The following ATP6V0A1 variants were observed in gnomAD, a reference collection of about 807,000 sequenced individuals.
ATP6V0A1 encodes the protein V-type proton ATPase 116 kDa subunit a 1.
A neutral mutation model predicts 105.4 loss-of-function variants in ATP6V0A1; 43 were observed. The observed-to-expected ratio is 0.41, with a 90% CI of 0.32 to 0.53. ATP6V0A1 has a LOEUF of 0.53. Ranked by LOEUF, ATP6V0A1 falls within the 20% of genes least tolerant of loss-of-function variation. The pLI is 0.30. For missense variants in ATP6V0A1, 676 were observed against 1,051.1 expected (o/e 0.64, Z 4.93); for synonymous variants, 362 against 372.8 (o/e 0.97, Z 0.33).
At chr17:42,465,007 T>A (rs1357171741) in intron 2 of ATP6V0A1, among the ~76,000 whole-genome samples, 1 of 152,116 alleles carries the variant, frequency 6.6e-6, no homozygotes, top group Non-Finnish European at 1.5e-5. Flanking sequence ...TATTATTATT[T>A]TTTGAGACAG....
chr17:42,520,058 T>C, intron 21 of ATP6V0A1: 1 of 185,136 alleles, frequency 5.4e-6, no homozygotes, highest in Non-Finnish European at 1.1e-5. Context: ...TTCCTGAAGC[T>C]TTAAAGCGCC....
chr17:42,501,285 A>G lies in ATP6V0A1; in HGVS notation c.1985A>G (p.Tyr662Cys). The G allele has an allele frequency of 6.2e-7, 1 of 1,613,920 alleles. No individual in the cohort carries two copies. Among genetic ancestry groups the G allele is most frequent in the Non-Finnish European group, 8.5e-7 (1 of 1,179,872 alleles). Residue 662 changes from tyrosine to cysteine, a missense_variant, in exon 17 of 22, where the codon TAT becomes TGT. Tyr to Cys is a radical substitution (Grantham distance 194). Transcript: ENST00000343619. ...LFKPLVLRRQ[Y>C]LRRKHLGTLN... ...AAACCATTGGTCCTTCGCCGTCAGT[A>G]TTTGAGGAGAAAGCATTTGGTAGGT...
At chr17:42,507,456 C>G in intron 17 of ATP6V0A1, 64 bp from the exon 18 acceptor site, 1 of 1,200,596 alleles carries the variant, frequency 8.3e-7, no homozygotes, top group Non-Finnish European at 1.2e-6. Context: ...CATCGCCCTT[C>G]CCACCTCACA....
At chr17:42,475,469 A>G (rs573896943) in intron 5 of ATP6V0A1, among the ~76,000 whole-genome samples, 1 of 152,368 alleles carries the variant, frequency 6.6e-6, no homozygotes, top group African/African-American at 2.4e-5. Flanking sequence ...ACAGCTTTGA[A>G]TGTGGCCCAA....
intron 21 of ATP6V0A1, among the ~76,000 whole-genome samples, chr17:42,517,272 T>A (rs909728811): frequency 6.6e-6 from 1 of 151,730 alleles, no homozygotes; most frequent in Admixed American, 6.6e-5. Context: ...AGACCGAGAC[T>A]CCGTCTCAAA....
Position 42,468,103 on chromosome 17 carries a change from T to C in ATP6V0A1, c.290T>C (p.Leu97Ser). The C allele has an allele frequency of 6.3e-7, 1 of 1,586,476 alleles. No individual in the cohort carries two copies. The highest frequency in any genetic ancestry group is 8.6e-7 in the Non-Finnish European group (1 of 1,164,862). ...EVPFPRDMID[L>S]EANFEKIENE... ...CCCTTCCCCCGGGACATGATTGACT[T>C]AGAGGTAAACACTTCTGGGAAAACC... is the stretch of plus-strand genomic sequence containing the variant. Residue 97 changes from leucine to serine, a missense_variant, in exon 4 of 22, where the codon TTA becomes TCA. By Grantham distance (145) the Leu-to-Ser change is moderately radical. Around this residue, in one of 3 missense-constraint regions of ATP6V0A1, gnomAD observed 239 missense variants for 388.4 expected, o/e 0.62. Coordinates refer to ENST00000343619, the MANE Select transcript of ATP6V0A1 (RefSeq NM_001130021.3).
chr17:42,478,599 G>C lies in ATP6V0A1; in HGVS notation c.633+10G>C, dbSNP rs957349623. 1 of 1,565,540 alleles carries C rather than the reference G, an allele frequency of 6.4e-7. No individual in the cohort carries two copies. The highest frequency in any genetic ancestry group is 1.2e-5 in the South Asian group (1 of 86,604). ...GGAGGATCCTGTGACTGTAAGACAA[G>C]GAGATTGCATCCTGTGGAGTAGGTC... On this transcript the variant is annotated intron_variant, in intron 7 of 21. Transcript: ENST00000343619.
intron 9 of ATP6V0A1, 91 bp from the exon 10 acceptor site, chr17:42,487,058 AACTCTT>A: frequency 1.7e-6 from 2 of 1,201,216 alleles, no homozygotes; most frequent in Non-Finnish European, 1.2e-6. Flanking sequence ...ATTCCCTGGC[AACTCTT>A]TTCAGAAAGC....
intron 17 of ATP6V0A1, chr17:42,502,873 G>A (rs553521265): frequency 2.0e-5 from 3 of 152,808 alleles, no homozygotes; most frequent in African/African-American, 4.8e-5. Flanking sequence ...GCAACAGTGA[G>A]TGAATTAAAA....
intron 9 of ATP6V0A1, among the ~76,000 whole-genome samples, chr17:42,485,616 A>T (rs1455929324): frequency 6.6e-6 from 1 of 152,236 alleles, no homozygotes; most frequent in South Asian, 2.1e-4. Flanking sequence ...ATGCAGTGGC[A>T]CAATCTTGGC....
chr17:42,489,153 A>G (rs1044735579), intron 10 of ATP6V0A1, among the ~76,000 whole-genome samples: 12 of 145,234 alleles, frequency 8.3e-5, no homozygotes, highest in African/African-American at 2.6e-4. Flanking sequence ...GCTCACTGCA[A>G]CCTCCACCCT....
chr17:42,508,566 T>C lies in ATP6V0A1; in HGVS notation c.2113-6T>C, dbSNP rs747485583. Reference sequence around the variant, plus strand: ...TCCCCACTAAGTGTAAATTTGTGTTTTCAAGCCTTCCGAGGACGAAGTGGT... The same window carrying C: ...TCCCCACTAAGTGTAAATTTGTGTTCTCAAGCCTTCCGAGGACGAAGTGGT... On this transcript the variant is annotated splice_polypyrimidine_tract_variant and splice_region_variant and intron_variant, in intron 18 of 21. Coordinates refer to ENST00000343619, the MANE Select transcript of ATP6V0A1 (RefSeq NM_001130021.3). 34 of 1,613,904 alleles carry C rather than the reference T, an allele frequency of 2.1e-5. No homozygotes were observed. Among genetic ancestry groups the C allele is most frequent in the Non-Finnish European group, 2.9e-5 (34 of 1,179,904 alleles).
At position 42,522,105 on chromosome 17, in the gene ATP6V0A1, G is replaced by A. The variant is rs1379198804; in HGVS notation, c.*985G>A. On this transcript the variant is annotated 3_prime_UTR_variant, in exon 22 of 22. Coordinates refer to ENST00000343619, the MANE Select transcript of ATP6V0A1 (RefSeq NM_001130021.3). ...CAGGAGGGGTGTCCTGGGCAGGGAA[G>A]GTCAGTGTCACTGATGGTTTGCTGT... 6.5e-6 allele frequency: 1 copy of A among 152,822 alleles called. No homozygotes were observed. The highest frequency in any genetic ancestry group is 1.5e-5 in the Non-Finnish European group (1 of 68,404). The allele number at this position is 152,822 out of a possible 1,614,324, so 9.5% of individuals were successfully genotyped here.
intron 4 of ATP6V0A1, 148 bp from the exon 5 acceptor site, chr17:42,469,942 G>T: frequency 1.2e-6 from 1 of 813,754 alleles, no homozygotes. Context: ...AAAGAAAATT[G>T]CTCTAGTAAA....
intron 2 of ATP6V0A1, 124 bp from the exon 3 acceptor site, chr17:42,466,305 T>C: frequency 1.4e-6 from 1 of 710,482 alleles, no homozygotes; most frequent in Non-Finnish European, 2.3e-6. Flanking sequence ...GTAGACAGTT[T>C]TGATTAGTGT....
chr17:42,512,571 A>G (rs960305591), intron 19 of ATP6V0A1, among the ~76,000 whole-genome samples: 1 of 152,154 alleles, frequency 6.6e-6, no homozygotes, highest in African/African-American at 2.4e-5. Context: ...TCCGGAAGAA[A>G]AGCCCAGAAA....
At position 42,466,416 on chromosome 17, in the gene ATP6V0A1, T is replaced by G; in HGVS notation, c.118-13T>G. ...AATATTTCAATGTTTGGTATTGTGTTTTTATTTTTCAGTTAAATCCAGATG... is the reference window on the plus strand; with the variant it reads ...AATATTTCAATGTTTGGTATTGTGTGTTTATTTTTCAGTTAAATCCAGATG... On this transcript the variant is annotated splice_polypyrimidine_tract_variant and intron_variant, in intron 2 of 21. Coordinates refer to ENST00000343619, the MANE Select transcript of ATP6V0A1 (RefSeq NM_001130021.3). The G allele has an allele frequency of 6.3e-7, 1 of 1,597,606 alleles. No homozygotes were observed. The highest frequency in any genetic ancestry group is 8.6e-7 in the Non-Finnish European group (1 of 1,165,250).
At chr17:42,492,435 G>T (rs1021751166) in intron 11 of ATP6V0A1, among the ~76,000 whole-genome samples, 1 of 150,576 alleles carries the variant, frequency 6.6e-6, no homozygotes, top group African/African-American at 2.4e-5. Flanking sequence ...GGCCAGGTGT[G>T]GTGGCTCACG....
rs545118419 is a variant in ATP6V0A1, at chr17:42,498,598, C to T, written c.1561-326C>T. Reference sequence around the variant, plus strand: ...ATCCCAGCACTTTGGGAGGCTGAGGCGGGCGAATCACGAGGTCATGAATCG... The same window carrying T: ...ATCCCAGCACTTTGGGAGGCTGAGGTGGGCGAATCACGAGGTCATGAATCG... On this transcript the variant is annotated intron_variant, in intron 14 of 21. Transcript: ENST00000343619. Among the ~76,000 whole-genome samples, 45 of 152,190 alleles carry T rather than the reference C, an allele frequency of 3.0e-4. No homozygotes were observed. The East Asian group carries it at 5.8e-3, about 20-fold the overall frequency.
Sources: allele counts gnomAD v4.1 joint callset (sites outside exome capture counted in the v4.1 genomes callset), GRCh38; gene constraint gnomAD v4.1.1; regional missense constraint gnomAD v4.1.1; transcripts MANE v1.5; gene names NCBI Gene and HGNC (gene_info 2026-07-23, HGNC 2026-07-21).